Variants in MMD2 observed in about 807,000 individuals in gnomAD.
MMD2 encodes the protein monocyte to macrophage differentiation associated 2, also known as monocyte to macrophage differentiation factor 2.
A neutral mutation model predicts 33.5 loss-of-function variants in MMD2; 30 were observed. The observed-to-expected ratio is 0.90, with a 90% CI of 0.67 to 1.22. The LOEUF is 1.22. MMD2 is among the 50% of genes most tolerant of loss of function. The pLI is 0.00. For missense variants in MMD2, 364 were observed against 325.4 expected, an observed-to-expected ratio of 1.12 and a Z score of -0.91; for synonymous variants, 129 against 123.0, an observed-to-expected ratio of 1.05 and a Z score of -0.32.
chr7:4,920,526 C>CCT (rs1432250832), intron 2 of MMD2, among the ~76,000 whole-genome samples, 195 bp from the exon 3 acceptor site: 18 of 151,778 alleles, frequency 1.2e-4, no homozygotes, highest in African/African-American at 4.1e-4. Context: ...CCTTCCTTCC[C>CCT]TCCCTCCCTC....
At chr7:4,928,803 G>A (rs552799577) in intron 1 of MMD2, among the ~76,000 whole-genome samples, 2 of 152,006 alleles carry the variant, frequency 1.3e-5, no homozygotes, top group Non-Finnish European at 2.9e-5. Flanking sequence ...TACCTTTGAT[G>A]TGTTGGCTCC....
chr7:4,908,471 C>T (rs113794715), intron 6 of MMD2, among the ~76,000 whole-genome samples: 209 of 152,100 alleles, frequency 1.4e-3, no homozygotes, highest in African/African-American at 4.8e-3. Flanking sequence ...AAATGTAATA[C>T]ATCTGGGTAT....
chr7:4,950,855 A>G (rs773587044), intron 1 of MMD2, among the ~76,000 whole-genome samples: 1 of 151,960 alleles, frequency 6.6e-6, no homozygotes, highest in Admixed American at 6.6e-5. Context: ...CTGGGATTAC[A>G]GGCATGCACC....
downstream of MMD2, among the ~76,000 whole-genome samples, chr7:4,905,187 C>T (rs1295447099): frequency 3.3e-5 from 5 of 150,210 alleles, no homozygotes; most frequent in Non-Finnish European, 5.9e-5. This position sits in a 1 kb window ranked among gnomAD's most constrained non-coding sequence, Gnocchi z 5.0. Flanking sequence ...CTAAAGAAGT[C>T]CCAAGTCATC....
At chr7:4,892,347 G>A in the MMD2 span, among the ~76,000 whole-genome samples, 5 of 152,072 alleles carry the variant, frequency 3.3e-5, no homozygotes, top group Admixed American at 3.3e-4. Context: ...CAGCACTTTG[G>A]GAGGCTAAGG....
chr7:4,945,770 T>G (rs1786058306), intron 1 of MMD2, among the ~76,000 whole-genome samples: 1 of 147,880 alleles, frequency 6.8e-6, no homozygotes, highest in South Asian at 2.1e-4. Flanking sequence ...AGATGGGGAT[T>G]CATCATGTTG....
chr7:4,938,243 T>A (rs1785804011), intron 1 of MMD2, among the ~76,000 whole-genome samples: 1 of 151,910 alleles, frequency 6.6e-6, no homozygotes, highest in Admixed American at 6.6e-5. Context: ...ACTCCTGACC[T>A]CGTGATCCGC....
chr7:4,905,134 G>A (rs1784844520), downstream of MMD2, among the ~76,000 whole-genome samples: 1 of 152,112 alleles, frequency 6.6e-6, no homozygotes, highest in African/African-American at 2.4e-5. This position sits in a 1 kb window ranked among gnomAD's most constrained non-coding sequence, Gnocchi z 5.0. Flanking sequence ...GGCACAGGAG[G>A]TGCAGGTGTC....
At chr7:4,943,627 C>A (rs1003464785) in intron 1 of MMD2, among the ~76,000 whole-genome samples, 10 of 152,092 alleles carry the variant, frequency 6.6e-5, no homozygotes, top group African/African-American at 2.4e-4. Flanking sequence ...AGACCAGTAG[C>A]CAGCATGTTA....
rs957511363 is a variant in MMD2, at chr7:4,942,876, C to T, written c.47+16095G>A. Among the ~76,000 whole-genome samples the T allele has an allele frequency of 2.6e-5, 4 of 151,898 alleles. No individual in the cohort carries two copies. In the South Asian group the frequency reaches 6.2e-4, roughly 24 times the overall value. ...AAGTGATCCACCCACCTCAGCCTCC[C>T]GAAGTGCTGGGATTACAGGATGAGC... On this transcript the variant is annotated intron_variant, in intron 1 of 6. Transcript: ENST00000401401.
intron 4 of MMD2, among the ~76,000 whole-genome samples, chr7:4,912,584 G>A (rs929949603): frequency 2.0e-5 from 3 of 151,458 alleles, no homozygotes; most frequent in African/African-American, 7.3e-5. Flanking sequence ...AAGGGATAAC[G>A]GTCAATGCAC....
chr7:4,921,001 G>A (rs1311231538), intron 2 of MMD2, among the ~76,000 whole-genome samples: 3 of 152,180 alleles, frequency 2.0e-5, no homozygotes, highest in East Asian at 1.9e-4. Context: ...ATAGGCGTGA[G>A]CCACCATGCC....
intron 1 of MMD2, among the ~76,000 whole-genome samples, chr7:4,937,658 A>G (rs1261848733): frequency 6.6e-6 from 1 of 152,158 alleles, no homozygotes; most frequent in Non-Finnish European, 1.5e-5. Context: ...GCAGGCATGC[A>G]CCACCATACC....
chr7:4,947,692 CTTTTTTTTT>C (rs71033002), intron 1 of MMD2, among the ~76,000 whole-genome samples: 6 of 35,886 alleles, frequency 1.7e-4, no homozygotes, highest in East Asian at 1.4e-3. Flanking sequence ...TGCACCTGGC[CTTTTTTTTT>C]TTTTTTTTTT....
Position 4,916,086 on chromosome 7 carries a change from C to G in MMD2, c.291-7G>C. 6.2e-7 allele frequency: 1 copy of G among 1,613,276 alleles called. No homozygotes were observed. The highest frequency in any genetic ancestry group is 1.1e-5 in the South Asian group (1 of 91,046). On this transcript the variant is annotated splice_polypyrimidine_tract_variant and splice_region_variant and intron_variant, in intron 3 of 6. Transcript: ENST00000401401. ...TAGACAGTGTTCCACCATCCTAGGG[C>G]GGCAGAGAAGCCGGCAGTCACAGCC...
rs1362551011 is a variant in MMD2 at position 4,940,379 on chromosome 7, C to T, written c.48-14847G>A. 1.3e-5 allele frequency among the ~76,000 whole-genome samples: 2 copies of T among 152,192 alleles called. No homozygotes were observed. Among genetic ancestry groups the T allele is most frequent in the South Asian group, 2.1e-4 (1 of 4,828 alleles). ...TCATGAATGAGCCCGGGCCCCGGAACGCGGCTGCAGCCACCCCTCCCAGGC... is the reference window on the plus strand; with the variant it reads ...TCATGAATGAGCCCGGGCCCCGGAATGCGGCTGCAGCCACCCCTCCCAGGC... On this transcript the variant is annotated intron_variant, in intron 1 of 6. Coordinates refer to ENST00000401401, the MANE Select transcript of MMD2 (RefSeq NM_198403.4). The surrounding 1 kb of genome is among the most constrained non-coding windows in gnomAD (Gnocchi z 5.0).
intron 2 of MMD2, among the ~76,000 whole-genome samples, chr7:4,921,416 C>T (rs1442113095): frequency 4.0e-5 from 6 of 151,590 alleles, no homozygotes; most frequent in East Asian, 1.9e-4. Context: ...GTCAGGAGTT[C>T]GAGACCAGCC....
At chr7:4,901,139 T>TAA (rs34911631), downstream of MMD2, among the ~76,000 whole-genome samples, 2 of 134,204 alleles carry the variant, frequency 1.5e-5, no homozygotes, top group African/African-American at 2.8e-5. Flanking sequence ...AAACACTATC[T>TAA]AAAAAAAAAG....
chr7:4,915,655 G>C (rs965749804), intron 4 of MMD2, among the ~76,000 whole-genome samples: 1 of 151,686 alleles, frequency 6.6e-6, no homozygotes, highest in African/African-American at 2.4e-5. Context: ...CAGGAGAATC[G>C]CTTCAACCAG....
Sources: gnomAD v4.1 joint callset for allele counts (sites outside exome capture counted in the v4.1 genomes callset) on GRCh38, gnomAD v4.1.1 for gene constraint, Gnocchi (gnomAD v3.1) non-coding constraint, MANE v1.5 for transcripts, NCBI Gene and HGNC (gene_info 2026-07-23, HGNC 2026-07-21) for gene names.